The following NOL4L variants were observed in gnomAD, a reference collection of about 807,000 sequenced individuals.
The protein encoded by NOL4L is nucleolar protein 4 like.
Under a neutral mutation model 64.5 loss-of-function variants are expected in NOL4L, and 7 were observed. The observed-to-expected ratio is 0.11, with a 90% confidence interval of 0.06 to 0.20. The LOEUF (loss-of-function observed/expected upper bound fraction) is 0.20. Among genes scored for constraint, NOL4L ranks in the 10% least tolerant of loss-of-function variants. NOL4L has a pLI of 1.00. For missense variants in NOL4L, 680 were observed against 967.1 expected (o/e 0.70, Z 3.94); for synonymous variants, 413 against 401.0 (o/e 1.03, Z -0.36).
intron 1 of NOL4L, among the ~76,000 whole-genome samples, chr20:32,564,079 T>C (rs1179947011): frequency 6.6e-6 from 1 of 152,180 alleles, no homozygotes; most frequent in Non-Finnish European, 1.5e-5. Flanking sequence ...CTGAGCCAGC[T>C]TCACATCCAG....
At chr20:32,566,765 C>T (rs746950219) in intron 1 of NOL4L, among the ~76,000 whole-genome samples, 3 of 152,234 alleles carry the variant, frequency 2.0e-5, no homozygotes, top group Non-Finnish European at 2.9e-5. Flanking sequence ...CCTGCTCCAA[C>T]CCCTTGAGTT....
intron 3 of NOL4L, among the ~76,000 whole-genome samples, chr20:32,518,290 C>A (rs561753537): frequency 6.6e-6 from 1 of 152,348 alleles, no homozygotes; most frequent in Non-Finnish European, 1.5e-5. Flanking sequence ...TGGGCTTCAG[C>A]GCTGGTTTAT....
At chr20:32,583,714 C>T (rs1980670006) in intron 1 of NOL4L, among the ~76,000 whole-genome samples, 2 of 148,888 alleles carry the variant, frequency 1.3e-5, no homozygotes, top group African/African-American at 4.9e-5. Context: ...GGGCCCGCGC[C>T]GCACGCCCTC....
At chr20:32,485,758 C>G (rs552215753) in intron 4 of NOL4L, 46 of 471,032 alleles carry the variant, frequency 9.8e-5, no homozygotes, top group African/African-American at 8.6e-4. Context: ...AACTGTCCAT[C>G]CTCACTCTGA....
At chr20:32,456,947 A>G (rs1458852422) in intron 5 of NOL4L, among the ~76,000 whole-genome samples, 1 of 152,182 alleles carries the variant, frequency 6.6e-6, no homozygotes, top group Non-Finnish European at 1.5e-5. Context: ...TCCCTCCTGT[A>G]AGCAAGCCCA....
At chr20:32,494,777 A>G (rs1006772822) in intron 4 of NOL4L, among the ~76,000 whole-genome samples, 5 of 152,236 alleles carry the variant, frequency 3.3e-5, no homozygotes, top group African/African-American at 9.6e-5. Flanking sequence ...ACTTGCAACC[A>G]TGAGGAAAAG....
intron 4 of NOL4L, among the ~76,000 whole-genome samples, chr20:32,480,605 C>A (rs1331253418): frequency 6.6e-6 from 1 of 152,194 alleles, no homozygotes; most frequent in Non-Finnish European, 1.5e-5. Context: ...GGCGACTCTC[C>A]CCCTTGTCTC....
chr20:32,563,863 A>G (rs1979252388), intron 1 of NOL4L, among the ~76,000 whole-genome samples: 1 of 152,220 alleles, frequency 6.6e-6, no homozygotes, highest in South Asian at 2.1e-4. Flanking sequence ...GCCCCCAGGC[A>G]GCTGTGGCCC....
chr20:32,493,809 G>A (rs73906146), intron 4 of NOL4L, among the ~76,000 whole-genome samples: 2,988 of 152,244 alleles, frequency 0.02, 86 homozygotes, highest in African/African-American at 0.067. Context: ...ATGTGGAGCC[G>A]ATGGTGCTGG....
rs545061913 is a variant in NOL4L at position 32,466,071 on chromosome 20, G to A, written c.841+8530C>T. 7.3e-5 allele frequency among the ~76,000 whole-genome samples: 11 copies of A among 151,212 alleles called. No individual in the cohort carries two copies. In the South Asian group the frequency reaches 8.4e-4, roughly 11 times the overall value. On this transcript the variant is annotated intron_variant, in intron 5 of 10. Coordinates refer to ENST00000621426, the MANE Select transcript of NOL4L (RefSeq NM_001256798.2). ...CAACCTCCACCTCCTGGGTTCAAGC[G>A]ATTCTCCTGCCTTAGCTTCCTGAGT...
chr20:32,505,682 C>G (rs1281086641), intron 4 of NOL4L, among the ~76,000 whole-genome samples: 1 of 152,244 alleles, frequency 6.6e-6, no homozygotes, highest in East Asian at 1.9e-4. Context: ...TGTCACTGCA[C>G]TCCAGCCTGG....
At chr20:32,487,424 G>A (rs1464618860) in intron 4 of NOL4L, among the ~76,000 whole-genome samples, 1 of 152,240 alleles carries the variant, frequency 6.6e-6, no homozygotes, top group Admixed American at 6.5e-5. Flanking sequence ...TGGGCTGAGT[G>A]GTCAGGGAAG....
At chr20:32,511,169 C>T (rs573024878) in intron 4 of NOL4L, 178 bp downstream of exon 4, 39 of 548,768 alleles carry the variant, frequency 7.1e-5, no homozygotes, top group Admixed American at 3.7e-4. Context: ...GACCCTCTCA[C>T]GAGAAACACA....
In NOL4L at chr20:32,488,747, TTTCCTTCCTTCC is replaced by T. The variant is rs1206813375; in HGVS notation, c.700-14017_700-14006del. Among the ~76,000 whole-genome samples the T allele has an allele frequency of 1.8e-3, 188 of 106,866 alleles. 4 individuals are homozygous for T. Among genetic ancestry groups the T allele is most frequent in the Non-Finnish European group, 2.0e-3 (104 of 52,754 alleles). 70.1% of individuals were successfully genotyped at this position (106,866 alleles called of 152,430 possible). On this transcript the variant is annotated intron_variant, in intron 4 of 10. Transcript: ENST00000621426. ...TTCTTTCTTTCTTTTCTTTCTTTCT[TTTCCTTCCTTCC>T]TTCCTTCCTTCCTTCCTTCCTTCCT...
chr20:32,448,865 T>C (rs1180300755), intron 10 of NOL4L, among the ~76,000 whole-genome samples: 1 of 152,170 alleles, frequency 6.6e-6, no homozygotes, highest in Non-Finnish European at 1.5e-5. Flanking sequence ...TGCTACTTCA[T>C]TGGCAAATTC....
intron 4 of NOL4L, among the ~76,000 whole-genome samples, chr20:32,504,613 CT>C (rs1234890998): frequency 2.0e-3 from 276 of 141,500 alleles, no homozygotes; most frequent in Middle Eastern, 7.3e-3. Flanking sequence ...TCTGCAGCTG[CT>C]TTTTTTTTTT....
chr20:32,511,500 G>T (rs954699352), intron 3 of NOL4L, 44 bp from the exon 4 acceptor site: 1 of 1,392,256 alleles, frequency 7.2e-7, no homozygotes. Context: ...TCTGTGCTGC[G>T]GGCCTGTTGC....
At chr20:32,538,074 C>G (rs1202583284) in intron 1 of NOL4L, among the ~76,000 whole-genome samples, 1 of 152,198 alleles carries the variant, frequency 6.6e-6, no homozygotes, top group Non-Finnish European at 1.5e-5. Flanking sequence ...CCACCACACC[C>G]AGCCCACAAC....
At chr20:32,532,511 A>T (rs113005391) in intron 1 of NOL4L, 3,737 of 306,426 alleles carry the variant, frequency 0.012, 157 homozygotes, top group African/African-American at 0.08. Context: ...CCTTCATGCT[A>T]AATGCTGCAG....
Sources: allele counts gnomAD v4.1 joint callset (sites outside exome capture counted in the v4.1 genomes callset), GRCh38; gene constraint gnomAD v4.1.1; transcripts MANE v1.5; gene names NCBI Gene and HGNC (gene_info 2026-07-23, HGNC 2026-07-21).